The following RIPOR2 variants were observed in gnomAD, a reference collection of about 807,000 sequenced individuals.
RIPOR2 encodes RHO family interacting cell polarization regulator 2, also known as rho family-interacting cell polarization regulator 2.
RIPOR2 carries 39 observed loss-of-function variants against 114.5 expected under a neutral mutation model. The ratio of observed to expected loss-of-function variants is 0.34; its 90% CI spans 0.26 to 0.44. The LOEUF is 0.44. Among genes scored for constraint, RIPOR2 ranks in the 20% least tolerant of loss-of-function variants. The pLI is 1.00. For synonymous variants in RIPOR2, 445 were observed against 484.4 expected (o/e 0.92, Z 1.07); for missense variants, 1,007 against 1,255.1 (o/e 0.80, Z 2.99).
intron 12 of RIPOR2, among the ~76,000 whole-genome samples, chr6:24,845,960 C>T (rs1233731077): frequency 3.3e-5 from 5 of 152,238 alleles, no homozygotes; most frequent in Non-Finnish European, 5.9e-5. Flanking sequence ...AGAGTGAAAA[C>T]GTGGGATGGG....
In RIPOR2 at chr6:25,005,724, T is replaced by G. The variant is rs1418849246; in HGVS notation, c.76+36127A>C. ...ATATATATATATATATATATATATA[T>G]ATATATATATATATATACATTTACC... On this transcript the variant is annotated intron_variant, in intron 1 of 13. Coordinates refer to the RIPOR2 transcript ENST00000510784. Among the ~76,000 whole-genome samples, 3 of 106,452 alleles carry G rather than the reference T, an allele frequency of 2.8e-5. 1 individual carries two copies. The highest frequency in any genetic ancestry group is 9.1e-5 in the African/African-American group (3 of 32,994). The allele number at this position is 106,452 out of a possible 152,430, so 69.8% of individuals were successfully genotyped here.
At chr6:25,031,704 T>TATAG (rs1404435933) in intron 1 of RIPOR2, among the ~76,000 whole-genome samples, 11 of 2,346 alleles carry the variant, frequency 4.7e-3, no homozygotes, top group African/African-American at 0.013. Flanking sequence ...GGTAGTTATA[T>TATAG]ATATATATAT....
At chr6:24,964,449 A>T (rs981817157) in intron 1 of RIPOR2, among the ~76,000 whole-genome samples, 2 of 152,306 alleles carry the variant, frequency 1.3e-5, no homozygotes, top group African/African-American at 4.8e-5. Flanking sequence ...AGGTCCATTC[A>T]AGTTGCCGTG....
At chr6:24,865,015 G>A (rs1012601369) in intron 7 of RIPOR2, among the ~76,000 whole-genome samples, 6 of 152,118 alleles carry the variant, frequency 3.9e-5, no homozygotes, top group East Asian at 1.9e-4. Flanking sequence ...TGGCGCGATC[G>A]TAGCTCACCG....
chr6:24,944,995 T>C (rs1333764589), intron 1 of RIPOR2, among the ~76,000 whole-genome samples: 1 of 151,920 alleles, frequency 6.6e-6, no homozygotes, highest in African/African-American at 2.4e-5. Context: ...TATTTCAAAA[T>C]AGCTGAAAAG....
chr6:24,911,069 C>A, intron 1 of RIPOR2: 2 of 780,106 alleles, frequency 2.6e-6, no homozygotes, highest in South Asian at 5.6e-5. Context: ...GGCTGGCGGG[C>A]GCGAGGGTGG....
At chr6:25,013,015 A>G (rs1310585512) in intron 1 of RIPOR2, among the ~76,000 whole-genome samples, 1 of 128,404 alleles carries the variant, frequency 7.8e-6, no homozygotes, top group Admixed American at 8.6e-5. Context: ...ATAGCACTCC[A>G]TCTCTGGGTT....
At chr6:24,877,251 G>A (rs1765880391) in intron 1 of RIPOR2, 1 of 985,300 alleles carries the variant, frequency 1.0e-6, no homozygotes, top group African/African-American at 1.7e-5. Context: ...CTTCCCCAGA[G>A]AGAGAAGGAC....
At chr6:24,899,782 C>T (rs1331468977) in intron 1 of RIPOR2, among the ~76,000 whole-genome samples, 1 of 152,152 alleles carries the variant, frequency 6.6e-6, no homozygotes, top group East Asian at 1.9e-4. Flanking sequence ...CTCCATTTTC[C>T]TCCCCTTTTG....
upstream of RIPOR2, among the ~76,000 whole-genome samples, chr6:24,938,817 G>T (rs1771956831): frequency 6.6e-6 from 1 of 152,242 alleles, no homozygotes; most frequent in Middle Eastern, 3.4e-3. Flanking sequence ...CATGGTTCTT[G>T]CTCTCCAAAG....
rs79113192 is a variant in RIPOR2, at chr6:24,839,757, G to A, written c.1858-485C>T. The A allele has an allele frequency of 6.3e-3, 9,048 of 1,433,522 alleles. 268 individuals carry two copies. The African/African-American group carries it at 0.086, about 14-fold the overall frequency. The allele number at this position is 1,433,522 out of a possible 1,614,324, so 88.8% of individuals were successfully genotyped here. On this transcript the variant is annotated intron_variant, in intron 13 of 21. Transcript: ENST00000643898. The stretch of plus-strand genomic sequence containing the variant: ...CCACAAGCAGACAAATTTTAAGTCA[G>A]TGAGTCAATGCTGAATACTGACCAA...
chr6:24,950,954 A>G (rs558500448), intron 1 of RIPOR2, among the ~76,000 whole-genome samples: 164 of 152,348 alleles, frequency 1.1e-3, no homozygotes, highest in Non-Finnish European at 1.6e-3. Flanking sequence ...TGAAGGCAGC[A>G]TGCCCTGCTA....
At chr6:24,835,898 T>C (rs892934046) in intron 14 of RIPOR2, 27 bp from the exon 15 acceptor site, 1 of 1,549,810 alleles carries the variant, frequency 6.5e-7, no homozygotes, top group Non-Finnish European at 8.7e-7. Context: ...AAACATTAGC[T>C]ATTCTTTTTC....
chr6:25,013,433 G>A (rs1280536764), intron 1 of RIPOR2, among the ~76,000 whole-genome samples: 1 of 152,164 alleles, frequency 6.6e-6, no homozygotes, highest in African/African-American at 2.4e-5. Flanking sequence ...GTGGTATACT[G>A]GGAGGGCAGC....
intron 1 of RIPOR2, among the ~76,000 whole-genome samples, chr6:24,956,131 C>A (rs1773034365): frequency 6.6e-6 from 1 of 151,828 alleles, no homozygotes; most frequent in Non-Finnish European, 1.5e-5. Context: ...GTAACTCAAA[C>A]ATTAAGAGAC....
chr6:24,910,705 G>A (rs1769479485), intron 1 of RIPOR2: 1 of 589,724 alleles, frequency 1.7e-6, no homozygotes, highest in Non-Finnish European at 2.1e-6. Context: ...AGTTTCAACG[G>A]CTGCTTAGCA....
rs1346830802 is a variant in RIPOR2, at chr6:24,902,116, G to T, written c.62-26299C>A. ...GAAAAGGAAAGACCAGCAGTCAACT[G>T]GCTGGAGGAAGTAAGGGATCGCCAG... is the stretch of plus-strand genomic sequence containing the variant. On this transcript the variant is annotated intron_variant, in intron 1 of 21. Coordinates refer to ENST00000643898, the MANE Select transcript of RIPOR2 (RefSeq NM_001286445.3). Among the ~76,000 whole-genome samples the T allele has an allele frequency of 2.0e-5, 3 of 152,194 alleles. No homozygotes were observed. In the East Asian group the frequency reaches 5.8e-4, roughly 29 times the overall value.
intron 1 of RIPOR2, among the ~76,000 whole-genome samples, chr6:24,966,818 T>C (rs1773548940): frequency 1.3e-5 from 2 of 152,210 alleles, no homozygotes; most frequent in Non-Finnish European, 2.9e-5. Context: ...AAAGAATTTG[T>C]ATCTAATTAA....
At chr6:24,867,947 A>T (rs1356896950) in intron 6 of RIPOR2, among the ~76,000 whole-genome samples, 3 of 152,216 alleles carry the variant, frequency 2.0e-5, no homozygotes, top group Non-Finnish European at 4.4e-5. Flanking sequence ...TGGATGCAAG[A>T]TTGATAAATA....
Sources: allele counts gnomAD v4.1 joint callset (sites outside exome capture counted in the v4.1 genomes callset), GRCh38; gene constraint gnomAD v4.1.1; transcripts MANE v1.5; gene names NCBI Gene and HGNC (gene_info 2026-07-23, HGNC 2026-07-21).